The following KANK3 variants were observed in gnomAD, a reference collection of about 807,000 sequenced individuals.
KANK3 encodes the protein KN motif and ankyrin repeat domains 3.
A neutral mutation model predicts 65.4 loss-of-function variants in KANK3; 61 were observed. That is an observed-to-expected ratio of 0.93 (90% CI 0.76 to 1.15). KANK3 has a LOEUF of 1.15. Ranked by LOEUF, KANK3 falls within the 50% of genes most tolerant of loss-of-function variation. KANK3 has a pLI of 0.00. For missense variants in KANK3, 1,187 were observed against 1,178.8 expected, an observed-to-expected ratio of 1.01 and a Z score of -0.10; for synonymous variants, 586 against 543.3, an observed-to-expected ratio of 1.08 and a Z score of -1.09.
At chr19:8,329,271 G>A (rs1008413695) in intron 7 of KANK3, among the ~76,000 whole-genome samples, 3 of 151,188 alleles carry the variant, frequency 2.0e-5, no homozygotes, top group African/African-American at 4.9e-5. Context: ...CAGATCACCT[G>A]AGGTCAGGAG....
chr19:8,322,945 G>C, intron 10 of KANK3, 23 bp from the exon 11 acceptor site: 2 of 1,336,550 alleles, frequency 1.5e-6, no homozygotes, highest in Non-Finnish European at 2.0e-6. Flanking sequence ...GAAAAGAGGG[G>C]GGCCTGCTGC....
chr19:8,324,863 G>A, intron 8 of KANK3, 33 bp from the exon 9 acceptor site: 4 of 1,603,676 alleles, frequency 2.5e-6, no homozygotes, highest in East Asian at 2.2e-5. Flanking sequence ...GAACAGGCTG[G>A]GGTAGGCTCA....
intron 1 of KANK3, among the ~76,000 whole-genome samples, chr19:8,338,641 C>T (rs919840649): frequency 2.0e-5 from 3 of 151,610 alleles, no homozygotes; most frequent in East Asian, 2.0e-4. Flanking sequence ...TTTGGGAGGC[C>T]GAGGAGGGCG....
chr19:8,334,554 T>A lies in KANK3; in HGVS notation c.1273A>T (p.Thr425Ser). Residue 425 changes from threonine to serine, a missense_variant, in exon 3 of 11, where the codon ACT becomes TCT. By Grantham distance (58) the Thr-to-Ser change is moderately conservative. Transcript: ENST00000330915. ...TESPAEAPSL[T>S]QESSPGSMDG... ...ATGGATCCGGGCGAGCTCTCCTGAG[T>A]CAAGGAGGGCGCCTCTGCCGGGGAC... 6.2e-7 allele frequency: 1 copy of A among 1,600,678 alleles called. No individual in the cohort carries two copies. The highest frequency in any genetic ancestry group is 8.5e-7 in the Non-Finnish European group (1 of 1,179,144).
chr19:8,342,336 T>C (rs369016604), intron 1 of KANK3, among the ~76,000 whole-genome samples: 5 of 152,050 alleles, frequency 3.3e-5, no homozygotes, highest in Non-Finnish European at 5.9e-5. Context: ...CAGACTCTGA[T>C]TGGGGGCGGA....
intron 10 of KANK3, among the ~76,000 whole-genome samples, 189 bp downstream of exon 10, chr19:8,324,260 A>G (rs964923335): frequency 6.6e-6 from 1 of 152,160 alleles, no homozygotes; most frequent in East Asian, 1.9e-4. Flanking sequence ...CTACACCCCA[A>G]CCCGGGTTAC....
rs370903263 is a variant in KANK3 at position 8,333,134 on chromosome 19, G to A, written c.1816C>T (p.Arg606Cys). ...TGCGCCAGCAGTTCGGGTCCCAGGC[G>A]CCTCACCCCTTCCAGCATCCTGGCC... Reference protein sequence around the residue: ...PVARMLEGVRRLGPELLAHVV... With the variant: ...PVARMLEGVRCLGPELLAHVV... Residue 606 changes from arginine to cysteine, a missense_variant, in exon 7 of 11, where the codon CGC becomes TGC. Physicochemically the swap from Arg to Cys is radical, Grantham distance 180. Transcript: ENST00000330915. The surrounding 1 kb of genome is among the most constrained non-coding windows in gnomAD (Gnocchi z 5.0). 6 of 1,613,040 alleles carry A rather than the reference G, an allele frequency of 3.7e-6. No individual in the cohort carries two copies. The South Asian group carries it at 6.6e-5, about 18-fold the overall frequency.
Position 8,334,367 on chromosome 19 carries a change from G to A in KANK3, c.1380C>T (p.Pro460=), listed in dbSNP as rs1970587932. ...KKRDGTPGAQ[P]SSGPKSLQFV... The stretch of plus-strand genomic sequence containing the variant: ...ACTGCAGGCTCTTGGGTCCGGAGCT[G>A]GGTTGGGCACCAGGTGTGCCGTCTC... The change falls in exon 4 of 11, where the codon CCC becomes CCT. Residue 460 remains proline (P), a synonymous_variant. Transcript: ENST00000330915. The A allele has an allele frequency of 6.2e-7, 1 of 1,614,178 alleles. No individual in the cohort carries two copies. Among genetic ancestry groups the A allele is most frequent in the Non-Finnish European group, 8.5e-7 (1 of 1,180,038 alleles).
At chr19:8,328,169 T>C (rs1018528625) in intron 7 of KANK3, among the ~76,000 whole-genome samples, 2 of 152,030 alleles carry the variant, frequency 1.3e-5, no homozygotes, top group African/African-American at 4.8e-5. Flanking sequence ...TCCCCGCTAC[T>C]TGGGAGACTG....
At chr19:8,323,235 G>A (rs983002880) in intron 10 of KANK3, 44 of 209,242 alleles carry the variant, frequency 2.1e-4, no homozygotes, top group Middle Eastern at 1.5e-3. Context: ...GCTTAGCATG[G>A]TCCATCTTAA....
Position 8,335,396 on chromosome 19 carries a change from G to T in KANK3, c.431C>A (p.Ala144Glu). The change falls in exon 3 of 11, where the codon GCG becomes GAG. Residue 144 changes from alanine (A) to glutamate (E), a missense_variant. By Grantham distance (107) the Ala-to-Glu change is moderately radical. Around this residue, in one of 3 missense-constraint regions of KANK3, gnomAD observed 1,078 missense variants for 1,038.2 expected, o/e 1.04. Transcript: ENST00000330915. ...GCTGGGCGCGCGCTCGTGTGTCTGC[G>T]CCAGCTCCAGCCGCCGGCTGGTCTC... ...LRETSRRLELAQTHERAPSPG... is the reference protein window; with the variant it reads ...LRETSRRLELEQTHERAPSPG... The T allele has an allele frequency of 1.7e-6, 2 of 1,201,674 alleles. No homozygotes were observed. Among genetic ancestry groups the T allele is most frequent in the African/African-American group, 1.6e-5 (1 of 62,992 alleles). The allele number at this position is 1,201,674 out of a possible 1,614,324, so 74.4% of individuals were successfully genotyped here. A position where few individuals can be genotyped will look rare whatever the true frequency, so the allele number is the denominator to read the frequency against.
intron 7 of KANK3, among the ~76,000 whole-genome samples, chr19:8,326,854 T>C (rs1438122303): frequency 6.6e-6 from 1 of 151,778 alleles, no homozygotes; most frequent in Non-Finnish European, 1.5e-5. Flanking sequence ...GGCCACCTGT[T>C]GTTTGAAGCA....
chr19:8,324,338 C>A, intron 10 of KANK3, 111 bp downstream of exon 10: 6 of 968,266 alleles, frequency 6.2e-6, no homozygotes. Flanking sequence ...TGGTTCTGCA[C>A]CCCTGGTGCC....
Position 8,334,113 on chromosome 19 carries a change from G to A in KANK3, c.1431C>T (p.Tyr477=). 4 of 1,514,072 alleles carry A rather than the reference G, an allele frequency of 2.6e-6. No individual in the cohort carries two copies. Among genetic ancestry groups the A allele is most frequent in the Non-Finnish European group, 3.5e-6 (4 of 1,130,938 alleles). The allele number at this position is 1,514,072 out of a possible 1,614,324, so 93.8% of individuals were successfully genotyped here. A position where few individuals can be genotyped will look rare whatever the true frequency, so the allele number is the denominator to read the frequency against. Residue 477 remains tyrosine, a synonymous_variant, in exon 5 of 11, where the codon TAC becomes TAT. Transcript: ENST00000330915. ...LQFVGVLNGE[Y]ESSSSEDASD... is the part of the protein sequence containing the mutation. The stretch of plus-strand genomic sequence containing the variant: ...TGGCGTCCTCGCTGGAGGAGCTCTC[G>A]TACCTGGGGGCAGGGTGGGAGGTGT...
At position 8,335,292 on chromosome 19, in the gene KANK3, C is replaced by T. The variant is rs1048812872; in HGVS notation, c.535G>A (p.Gly179Ser). 17 of 1,208,418 alleles carry T rather than the reference C, an allele frequency of 1.4e-5. No homozygotes were observed. The highest frequency in any genetic ancestry group is 1.7e-5 in the Non-Finnish European group (17 of 973,044). The allele number at this position is 1,208,418 out of a possible 1,614,324, so 74.9% of individuals were successfully genotyped here. The change falls in exon 3 of 11, where the codon GGC (glycine) becomes AGC (serine). Residue 179 changes from glycine (G) to serine (S), a missense_variant. Physicochemically the swap from Gly to Ser is moderately conservative, Grantham distance 56. This residue lies in a region of KANK3 where 1,078 missense variants were observed against 1,038.2 expected (regional missense o/e 1.04). Transcript: ENST00000330915. The stretch of plus-strand genomic sequence containing the variant: ...CGCACCAGCTGCAGTTGGGCAGGGC[C>T]GGGCGAAGCAGGGGCAAGGTTAGGG... ...PAPNLAPASP[G>S]PAQLQLVREQ...
At position 8,322,771 on chromosome 19, in the gene KANK3, G is replaced by A. The variant is rs187397141; in HGVS notation, c.*68C>T. The A allele has an allele frequency of 1.1e-3, 1,323 of 1,244,894 alleles. 16 individuals are homozygous for A. The highest frequency in any genetic ancestry group is 5.3e-3 in the Middle Eastern group (28 of 5,314). 77.1% of individuals were successfully genotyped at this position (1,244,894 alleles called of 1,614,324 possible). A position where few individuals can be genotyped will look rare whatever the true frequency, so the allele number is the denominator to read the frequency against. ...CAGGGGACCCTGGACCCTTCTGTGC[G>A]CCAAAGGCTGAGGTGACTGACGAGG... On this transcript the variant is annotated 3_prime_UTR_variant, in exon 11 of 11. Transcript: ENST00000330915.
In KANK3 at chr19:8,337,805, C is replaced by T; in HGVS notation, c.24G>A (p.Gln8=). The T allele has an allele frequency of 6.2e-7, 1 of 1,613,408 alleles. No individual in the cohort carries two copies. The highest frequency in any genetic ancestry group is 1.3e-5 in the African/African-American group (1 of 75,032). The part of the protein sequence containing the change: MAKFALN[Q]NLPDLGGPRL... ...TTTTTGCACACTCACCGGGCAGGTT[C>T]TGATTCAGGGCAAACTTGGCCATGT... Residue 8 remains glutamine, a synonymous_variant, in exon 2 of 11, where the codon CAG becomes CAA. Transcript: ENST00000330915.
chr19:8,333,235 A>C lies in KANK3; in HGVS notation c.1720-5T>G. On this transcript the variant is annotated splice_polypyrimidine_tract_variant and splice_region_variant and intron_variant, in intron 6 of 10. Transcript: ENST00000330915. This position sits in a 1 kb window ranked among gnomAD's most constrained non-coding sequence, Gnocchi z 5.0. ...GGCCACGAGGCGCACTGCGCCCTGC[A>C]AGGGACAGGGGCCAAGATAACATCG... 2 of 1,607,246 alleles carry C rather than the reference A, an allele frequency of 1.2e-6. No individual in the cohort carries two copies. Among genetic ancestry groups the C allele is most frequent in the East Asian group, 2.2e-5 (1 of 44,826 alleles).
intron 7 of KANK3, among the ~76,000 whole-genome samples, chr19:8,330,775 G>A (rs189218946): frequency 1.3e-5 from 2 of 151,692 alleles, no homozygotes; most frequent in East Asian, 1.9e-4. Context: ...TGTGGTACAC[G>A]CGCCTGTAAT....
Sources: gnomAD v4.1 joint callset for allele counts (sites outside exome capture counted in the v4.1 genomes callset) on GRCh38, gnomAD v4.1.1 for gene constraint, gnomAD v4.1.1 regional missense constraint, Gnocchi (gnomAD v3.1) non-coding constraint, MANE v1.5 for transcripts, NCBI Gene and HGNC (gene_info 2026-07-23, HGNC 2026-07-21) for gene names.